ATF6: variants seen among roughly 807,000 people sequenced by gnomAD.
The protein encoded by ATF6 is activating transcription factor 6, also known as cyclic AMP-dependent transcription factor ATF-6 alpha.
Under a neutral mutation model 83.6 loss-of-function variants are expected in ATF6, and 53 were observed. The ratio of observed to expected loss-of-function variants is 0.63; its 90% confidence interval spans 0.51 to 0.80. The LOEUF is 0.80. Ranked by LOEUF, ATF6 falls within the 30% of genes least tolerant of loss-of-function variation. The pLI is 0.00. For synonymous variants in ATF6, 288 were observed against 285.8 expected (o/e 1.01, Z -0.08); for missense variants, 744 against 797.9 (o/e 0.93, Z 0.81).
chr1:161,935,438 C>G (rs186053979), intron 15 of ATF6, among the ~76,000 whole-genome samples: 3 of 152,144 alleles, frequency 2.0e-5, no homozygotes, highest in Non-Finnish European at 4.4e-5. Flanking sequence ...ATCTGTGAAC[C>G]AGGAAGCAAA....
chr1:161,948,663 A>G (rs972790798), intron 15 of ATF6, among the ~76,000 whole-genome samples: 2 of 152,258 alleles, frequency 1.3e-5, no homozygotes, highest in African/African-American at 4.8e-5. Flanking sequence ...TCACGATCTC[A>G]GATTCTCAAC....
chr1:161,943,007 C>G (rs1350881550), intron 15 of ATF6, among the ~76,000 whole-genome samples: 1 of 152,204 alleles, frequency 6.6e-6, no homozygotes. Context: ...AGGCATGCGC[C>G]GTGACACCCG....
At chr1:161,814,106 A>T (rs1571154647) in intron 7 of ATF6, among the ~76,000 whole-genome samples, 1 of 151,768 alleles carries the variant, frequency 6.6e-6, no homozygotes, top group Non-Finnish European at 1.5e-5. Flanking sequence ...CTGGTCTCGA[A>T]CTCCTGACCT....
intron 7 of ATF6, among the ~76,000 whole-genome samples, chr1:161,807,038 C>T (rs1019560889): frequency 3.3e-5 from 5 of 151,968 alleles, no homozygotes; most frequent in East Asian, 1.9e-4. Context: ...AAGCAAGCCT[C>T]CTCATTGTCT....
intron 9 of ATF6, among the ~76,000 whole-genome samples, chr1:161,842,598 A>G (rs1313317109): frequency 1.3e-5 from 2 of 152,186 alleles, no homozygotes; most frequent in African/African-American, 4.8e-5. Context: ...TTCTAAGTGA[A>G]GTAACTCAGG....
intron 15 of ATF6, among the ~76,000 whole-genome samples, chr1:161,928,723 A>G (rs549483001): frequency 1.4e-4 from 22 of 152,272 alleles, no homozygotes; most frequent in African/African-American, 5.3e-4. Flanking sequence ...AAAACAAAAC[A>G]TAGCATTTAA....
intron 2 of ATF6, 99 bp from the exon 3 acceptor site, chr1:161,781,813 G>C (rs1159945270): frequency 2.5e-5 from 18 of 708,808 alleles, no homozygotes; most frequent in Middle Eastern, 7.5e-4. Context: ...TTGGCTAATA[G>C]CAGTTAAATT....
At chr1:161,858,927 A>T (rs1274609635) in intron 12 of ATF6, among the ~76,000 whole-genome samples, 5 of 152,166 alleles carry the variant, frequency 3.3e-5, no homozygotes, top group Non-Finnish European at 7.4e-5. Context: ...CTTCTTTCAA[A>T]CTTCTTTGCT....
intron 10 of ATF6, among the ~76,000 whole-genome samples, chr1:161,851,009 T>C (rs954294094): frequency 6.6e-6 from 1 of 152,170 alleles, no homozygotes; most frequent in Non-Finnish European, 1.5e-5. Flanking sequence ...ATGGAGTAAC[T>C]AGTTAATGTC....
intron 15 of ATF6, among the ~76,000 whole-genome samples, chr1:161,922,268 T>C (rs1200152475): frequency 3.3e-5 from 5 of 152,220 alleles, no homozygotes; most frequent in Admixed American, 6.5e-5. Flanking sequence ...TAGCCTGGCA[T>C]CTAAGGCCCA....
Position 161,844,720 on chromosome 1 carries a change from C to CT in ATF6, c.1188-1720dup, listed in dbSNP as rs201687068. Among the ~76,000 whole-genome samples, 373 of 151,378 alleles carry CT rather than the reference C, an allele frequency of 2.5e-3. 3 individuals are homozygous for CT. Among genetic ancestry groups the CT allele is most frequent in the African/African-American group, 8.5e-3 (349 of 41,296 alleles). On this transcript the variant is annotated intron_variant, in intron 9 of 15. Coordinates refer to ENST00000367942, the MANE Select transcript of ATF6 (RefSeq NM_007348.4). ...CCATGCTTGAAAGAAAAAGTAAACA[C>CT]TTTTTTTTTAAAGTTAGTTTCCTAA...
intron 3 of ATF6, 63 bp from the exon 4 acceptor site, chr1:161,783,927 T>C (rs1220606158): frequency 8.5e-7 from 1 of 1,177,934 alleles, no homozygotes; most frequent in African/African-American, 1.5e-5. Flanking sequence ...ACCTTCTTTC[T>C]TGTTCATTTT....
At chr1:161,778,460 AAGTT>A (rs1338691432) in intron 2 of ATF6, 140 bp downstream of exon 2, 13 of 631,488 alleles carry the variant, frequency 2.1e-5, no homozygotes, top group Non-Finnish European at 3.6e-5. Context: ...TTAAGTATGA[AAGTT>A]AGTAGCCATT....
intron 10 of ATF6, among the ~76,000 whole-genome samples, chr1:161,846,974 A>G (rs1007840623): frequency 8.5e-5 from 13 of 152,132 alleles, no homozygotes; most frequent in Admixed American, 2.6e-4. Context: ...GATTGAACCT[A>G]TTTGCAGTCA....
intron 9 of ATF6, among the ~76,000 whole-genome samples, chr1:161,826,184 A>G (rs1685892830): frequency 6.6e-6 from 1 of 152,196 alleles, no homozygotes; most frequent in Non-Finnish European, 1.5e-5. Flanking sequence ...AAAGAGGATT[A>G]GATTATGCTA....
At chr1:161,925,665 T>C (rs1311155092) in intron 15 of ATF6, among the ~76,000 whole-genome samples, 1 of 152,214 alleles carries the variant, frequency 6.6e-6, no homozygotes. Flanking sequence ...CAATATTCTT[T>C]GTTATTCCTA....
At chr1:161,831,197 C>T (rs551272312) in intron 9 of ATF6, among the ~76,000 whole-genome samples, 3,006 of 152,264 alleles carry the variant, frequency 0.02, 40 homozygotes, top group Middle Eastern at 0.031. Context: ...TGAAAAAATG[C>T]TCATCATCAC....
chr1:161,842,626 C>T (rs749945825), intron 9 of ATF6, among the ~76,000 whole-genome samples: 25 of 152,036 alleles, frequency 1.6e-4, no homozygotes, highest in African/African-American at 5.1e-4. Context: ...AACCAAACAG[C>T]GTTATATTCT....
rs192017348 is a variant in ATF6 at position 161,914,739 on chromosome 1, C to A, written c.1804+2359C>A. On this transcript the variant is annotated intron_variant, in intron 15 of 15. Transcript: ENST00000367942. ...CACTTCTTTTCTGTGTCCATCACAT[C>A]CTTAATGGCCATACATTCCTCCTTA... is the stretch of plus-strand genomic sequence containing the variant. Among the ~76,000 whole-genome samples, 3 of 152,324 alleles carry A rather than the reference C, an allele frequency of 2.0e-5. No individual in the cohort carries two copies. The East Asian group carries it at 5.8e-4, about 29-fold the overall frequency.
Sources: gnomAD v4.1 joint callset for allele counts (sites outside exome capture counted in the v4.1 genomes callset) on GRCh38, gnomAD v4.1.1 for gene constraint, MANE v1.5 for transcripts, NCBI Gene and HGNC (gene_info 2026-07-23, HGNC 2026-07-21) for gene names.